CMSS1: variants seen among roughly 807,000 people sequenced by gnomAD.
The protein encoded by CMSS1 is protein CMSS1.
Under a neutral mutation model 43.5 loss-of-function variants are expected in CMSS1, and 33 were observed. The observed-to-expected ratio is 0.76, with a 90% CI of 0.57 to 1.01. The LOEUF is 1.01. Among genes scored for constraint, CMSS1 ranks in the 50% least tolerant of loss-of-function variants. CMSS1 has a pLI of 0.00. For synonymous variants in CMSS1, 115 were observed against 117.2 expected, an observed-to-expected ratio of 0.98 and a Z score of 0.12; for missense variants, 313 against 326.4, an observed-to-expected ratio of 0.96 and a Z score of 0.32.
At chr3:100,091,052 G>A (rs1293733896) in intron 1 of CMSS1, among the ~76,000 whole-genome samples, 3 of 152,134 alleles carry the variant, frequency 2.0e-5, no homozygotes, top group East Asian at 1.9e-4. Flanking sequence ...TTGGGAGGCC[G>A]AGGTGGGCGG....
At chr3:99,962,841 G>C (rs1708534831) in intron 1 of CMSS1, among the ~76,000 whole-genome samples, 1 of 152,190 alleles carries the variant, frequency 6.6e-6, no homozygotes, top group Non-Finnish European at 1.5e-5. Flanking sequence ...CATAGATGAA[G>C]TACTCTGAGG....
intron 1 of CMSS1, among the ~76,000 whole-genome samples, chr3:100,079,498 A>G (rs940913358): frequency 1.3e-5 from 2 of 152,244 alleles, no homozygotes; most frequent in African/African-American, 4.8e-5. Context: ...TTTACTTCAT[A>G]GTTCATGAAA....
In CMSS1 at chr3:99,868,590, C is replaced by G. The variant is rs184900597; in HGVS notation, c.64+50547C>G. 3.9e-3 allele frequency among the ~76,000 whole-genome samples: 599 copies of G among 152,308 alleles called. 9 individuals are homozygous for G. The highest frequency in any genetic ancestry group is 0.013 in the African/African-American group (554 of 41,566). ...AGTGATGTTACTTTAAGCTGCCTTC[C>G]TTTCTGCATAAGTCCAGGTTGTTCT... is the stretch of plus-strand genomic sequence containing the variant. On this transcript the variant is annotated intron_variant, in intron 1 of 9. Coordinates refer to ENST00000421999, the MANE Select transcript of CMSS1 (RefSeq NM_032359.4).
chr3:99,848,513 T>C (rs778153475), intron 1 of CMSS1: 6 of 1,614,108 alleles, frequency 3.7e-6, no homozygotes, highest in Non-Finnish European at 5.1e-6. Context: ...TCAGTAGTTA[T>C]CACACTTGAG....
At chr3:99,962,332 C>T (rs1708517661) in intron 1 of CMSS1, among the ~76,000 whole-genome samples, 1 of 152,000 alleles carries the variant, frequency 6.6e-6, no homozygotes, top group South Asian at 2.1e-4. Context: ...GATGGGCAGT[C>T]CTCATCAGGA....
At chr3:99,838,143 A>C (rs1942974633) in intron 1 of CMSS1, among the ~76,000 whole-genome samples, 1 of 152,216 alleles carries the variant, frequency 6.6e-6, no homozygotes, top group Non-Finnish European at 1.5e-5. Context: ...CTTAGGATAA[A>C]GTGGACACTG....
intron 1 of CMSS1, among the ~76,000 whole-genome samples, chr3:99,972,258 A>T (rs948065495): frequency 2.6e-5 from 4 of 152,212 alleles, no homozygotes; most frequent in African/African-American, 9.7e-5. Context: ...GTTGAAATAA[A>T]CTTGACCCAA....
At chr3:99,845,785 A>C (rs1251885658) in intron 1 of CMSS1, among the ~76,000 whole-genome samples, 3 of 152,234 alleles carry the variant, frequency 2.0e-5, no homozygotes, top group Non-Finnish European at 4.4e-5. Flanking sequence ...GTAATAATCT[A>C]CACGTTATTA....
intron 1 of CMSS1, chr3:99,849,713 C>A (rs1943563570): frequency 6.2e-7 from 1 of 1,613,694 alleles, no homozygotes; most frequent in Non-Finnish European, 8.5e-7. Flanking sequence ...GTCTCATATT[C>A]ATCTTCTGTT....
intron 1 of CMSS1, among the ~76,000 whole-genome samples, chr3:99,943,537 C>A (rs1707913116): frequency 6.6e-6 from 1 of 152,116 alleles, no homozygotes; most frequent in South Asian, 2.1e-4. Context: ...AACCCCATCT[C>A]TACTAAAATT....
At chr3:100,034,216 GTC>G (rs2065069044) in intron 1 of CMSS1, among the ~76,000 whole-genome samples, 1 of 152,160 alleles carries the variant, frequency 6.6e-6, no homozygotes. Flanking sequence ...TTTCTAGACT[GTC>G]TCAAAAGTAT....
At chr3:99,994,659 A>G (rs1709622642) in intron 1 of CMSS1, among the ~76,000 whole-genome samples, 2 of 152,190 alleles carry the variant, frequency 1.3e-5, no homozygotes, top group South Asian at 4.1e-4. Flanking sequence ...CCATTTTCAC[A>G]CTGCTGATAA....
chr3:99,918,466 A>G (rs560328535), intron 1 of CMSS1, among the ~76,000 whole-genome samples: 2 of 152,318 alleles, frequency 1.3e-5, no homozygotes, highest in African/African-American at 4.8e-5. Flanking sequence ...ACTCACTATC[A>G]TGTATGTTCA....
intron 1 of CMSS1, among the ~76,000 whole-genome samples, chr3:100,110,209 A>G (rs2066467535): frequency 6.6e-6 from 1 of 152,252 alleles, no homozygotes; most frequent in South Asian, 2.1e-4. Context: ...TTAACCCCAC[A>G]TGCTCCCTGA....
chr3:100,088,244 A>G (rs2066046468), intron 1 of CMSS1, among the ~76,000 whole-genome samples: 2 of 152,300 alleles, frequency 1.3e-5, no homozygotes, highest in South Asian at 2.1e-4. Flanking sequence ...TGTCCCTTGG[A>G]CATCCCTTAC....
chr3:100,047,671 C>T (rs957701618), intron 1 of CMSS1, among the ~76,000 whole-genome samples: 1 of 152,144 alleles, frequency 6.6e-6, no homozygotes, highest in Admixed American at 6.5e-5. Flanking sequence ...TTCTGGAAGC[C>T]TCACTGTATG....
chr3:100,051,191 G>T (rs905904675), intron 1 of CMSS1: 1 of 151,992 alleles, frequency 6.6e-6, no homozygotes, highest in Non-Finnish European at 1.5e-5. Context: ...TTCTCTGTGA[G>T]TCCAGCTTCT....
intron 2 of CMSS1, among the ~76,000 whole-genome samples, chr3:100,154,038 C>T (rs1167933637): frequency 1.3e-5 from 2 of 151,826 alleles, no homozygotes; most frequent in Admixed American, 1.3e-4. Flanking sequence ...TTTGTAGAGA[C>T]GGGGTTTCAC....
chr3:99,907,738 C>T (rs892003376), intron 1 of CMSS1, among the ~76,000 whole-genome samples: 2 of 151,998 alleles, frequency 1.3e-5, no homozygotes, highest in Non-Finnish European at 2.9e-5. Flanking sequence ...TTTGTGTTCC[C>T]TTCTCTTTTT....
Sources: gnomAD v4.1 joint callset for allele counts (sites outside exome capture counted in the v4.1 genomes callset) on GRCh38, gnomAD v4.1.1 for gene constraint, MANE v1.5 for transcripts, NCBI Gene and HGNC (gene_info 2026-07-23, HGNC 2026-07-21) for gene names.